ALG5: variants seen among roughly 807,000 people sequenced by gnomAD.
ALG5 encodes the protein ALG5 dolichyl-phosphate beta-glucosyltransferase, also known as dolichyl-phosphate beta-glucosyltransferase.
A neutral mutation model predicts 51.8 loss-of-function variants in ALG5; 26 were observed. The observed-to-expected ratio is 0.50, with a 90% CI of 0.37 to 0.70. The LOEUF (loss-of-function observed/expected upper bound fraction) is 0.70, where lower values mean the gene tolerates loss of function less well. ALG5 is among the 30% of genes least tolerant of loss of function. The probability of loss-of-function intolerance (pLI) is 0.00; values close to 1 mark genes in which losing one functional copy is unlikely to be tolerated. For synonymous variants in ALG5, 141 were observed against 136.1 expected (o/e 1.04, Z -0.25); for missense variants, 311 against 399.3 (o/e 0.78, Z 1.88).
intron 5 of ALG5, 27 bp from the exon 6 acceptor site, chr13:36,985,767 A>G (rs761786411): frequency 1.3e-6 from 2 of 1,505,170 alleles, no homozygotes; most frequent in Non-Finnish European, 9.2e-7. Flanking sequence ...CAAGTCAAAG[A>G]AAATTGGTTA....
At chr13:36,961,132 C>T (rs1193151904) in intron 8 of ALG5, among the ~76,000 whole-genome samples, 3 of 151,832 alleles carry the variant, frequency 2.0e-5, no homozygotes, top group Non-Finnish European at 4.4e-5. Flanking sequence ...ATAAAATATA[C>T]AAGCAGAGTG....
chr13:36,996,542 C>T (rs1309097773), intron 1 of ALG5, among the ~76,000 whole-genome samples: 2 of 152,058 alleles, frequency 1.3e-5, no homozygotes, highest in Admixed American at 6.6e-5. Flanking sequence ...GCCTATGATG[C>T]AAGAATCTGA....
At chr13:36,998,203 A>AAATC (rs549648481) in intron 1 of ALG5, among the ~76,000 whole-genome samples, 91 of 152,230 alleles carry the variant, frequency 6.0e-4, no homozygotes, top group African/African-American at 1.7e-3. Context: ...ACCCCGCCAA[A>AAATC]AATCAATCAA....
chr13:36,953,283 A>T (rs1037650937), intron 8 of ALG5, among the ~76,000 whole-genome samples: 2 of 152,192 alleles, frequency 1.3e-5, no homozygotes, highest in Admixed American at 6.5e-5. Flanking sequence ...TTCCAGTCTA[A>T]ATCTCCAGTG....
intron 6 of ALG5, among the ~76,000 whole-genome samples, chr13:36,980,277 C>G (rs187095720): frequency 1.3e-5 from 2 of 151,958 alleles, no homozygotes; most frequent in Non-Finnish European, 2.9e-5. Context: ...CTCTGTTGAC[C>G]AAGGTGGAGT....
intron 6 of ALG5, among the ~76,000 whole-genome samples, chr13:36,977,336 T>G (rs1382604327): frequency 6.6e-6 from 1 of 152,132 alleles, no homozygotes; most frequent in Non-Finnish European, 1.5e-5. Context: ...AAATGAGTAT[T>G]TAAGTTACTA....
chr13:36,976,425 C>CAAAAAAAAAAA (rs57192095), intron 6 of ALG5, among the ~76,000 whole-genome samples: 1 of 36,614 alleles, frequency 2.7e-5, no homozygotes, highest in Non-Finnish European at 6.6e-5. Flanking sequence ...GACTCTGTCT[C>CAAAAAAAAAAA]AAAAAAAAAA....
At position 36,999,334 on chromosome 13, in the gene ALG5, C is replaced by A; in HGVS notation, c.-34G>T. On this transcript the variant is annotated 5_prime_UTR_variant, in exon 1 of 10. Transcript: ENST00000239891. ...CCGTGGCAGCCCGCCCAATCCCGCA[C>A]CTCCACACAGGCGGAAGCGCGCCCG... is the stretch of plus-strand genomic sequence containing the variant. The A allele has an allele frequency of 1.3e-6, 2 of 1,542,310 alleles. No homozygotes were observed. The highest frequency in any genetic ancestry group is 1.7e-6 in the Non-Finnish European group (2 of 1,146,718).
chr13:36,971,769 ATCT>A (rs1399873114), intron 7 of ALG5, among the ~76,000 whole-genome samples: 2 of 151,124 alleles, frequency 1.3e-5, no homozygotes, highest in East Asian at 1.9e-4. Flanking sequence ...CGAAGTCCAC[ATCT>A]TCTTGTATAT....
intron 4 of ALG5, among the ~76,000 whole-genome samples, chr13:36,990,036 C>T (rs1024580722): frequency 2.6e-5 from 4 of 152,172 alleles, no homozygotes; most frequent in Admixed American, 1.3e-4. Context: ...CCATTTCTCC[C>T]GAATCTTTTC....
chr13:36,985,058 T>C (rs1265877687), intron 6 of ALG5, among the ~76,000 whole-genome samples: 1 of 151,804 alleles, frequency 6.6e-6, no homozygotes, highest in Non-Finnish European at 1.5e-5. Context: ...CTCTTATTCA[T>C]TTTTTCCAGA....
intron 6 of ALG5, among the ~76,000 whole-genome samples, chr13:36,981,027 T>G (rs1365517227): frequency 2.0e-5 from 3 of 152,124 alleles, no homozygotes; most frequent in Non-Finnish European, 2.9e-5. Flanking sequence ...AAATGCCCTA[T>G]TTTATTTGTA....
chr13:36,986,152 AC>A (rs1354293262), intron 5 of ALG5, among the ~76,000 whole-genome samples: 1 of 152,212 alleles, frequency 6.6e-6, no homozygotes, highest in Non-Finnish European at 1.5e-5. Context: ...GACAGATTAA[AC>A]ATTCTAATAT....
At chr13:36,988,942 T>A (rs1281844256) in intron 5 of ALG5, among the ~76,000 whole-genome samples, 2 of 152,254 alleles carry the variant, frequency 1.3e-5, no homozygotes, top group Non-Finnish European at 2.9e-5. Flanking sequence ...ATTTTTAAAC[T>A]TCCAGCTTGA....
At chr13:36,952,141 A>G (rs1244555449) in intron 9 of ALG5, among the ~76,000 whole-genome samples, 2 of 152,200 alleles carry the variant, frequency 1.3e-5, no homozygotes, top group Non-Finnish European at 2.9e-5. Context: ...CAGGTACCTA[A>G]TTAATATCCA....
In ALG5 at chr13:36,996,429, C is replaced by A. The variant is rs571558369; in HGVS notation, c.67-833G>T. Among the ~76,000 whole-genome samples, 11 of 152,258 alleles carry A rather than the reference C, an allele frequency of 7.2e-5. No homozygotes were observed. The South Asian group carries it at 2.3e-3, about 32-fold the overall frequency. On this transcript the variant is annotated intron_variant, in intron 1 of 9. Transcript: ENST00000239891. ...GTCTGATCTTTACTGCCATCATCAA[C>A]TACTATCACTTCAGAGATTATAAGA... is the stretch of plus-strand genomic sequence containing the variant.
At position 36,949,761 on chromosome 13, in the gene ALG5, T is replaced by C; in HGVS notation, c.*181A>G. ...TCTGACTTTTTAAATAAACATCTTT[T>C]AAAAATCATTTATATCCAAAGAGAT... On this transcript the variant is annotated 3_prime_UTR_variant, in exon 10 of 10. Transcript: ENST00000239891. The C allele has an allele frequency of 2.3e-6, 1 of 431,104 alleles. No individual in the cohort carries two copies. The highest frequency in any genetic ancestry group is 4.1e-6 in the Non-Finnish European group (1 of 245,576). 26.7% of individuals were successfully genotyped at this position (431,104 alleles called of 1,614,324 possible).
At chr13:36,960,225 A>G (rs2138785355) in intron 8 of ALG5, among the ~76,000 whole-genome samples, 1 of 152,322 alleles carries the variant, frequency 6.6e-6, no homozygotes, top group South Asian at 2.1e-4. Flanking sequence ...GGTATACAGA[A>G]CTTTAAGAGA....
At chr13:36,977,063 C>T (rs1268384723) in intron 6 of ALG5, among the ~76,000 whole-genome samples, 3 of 152,166 alleles carry the variant, frequency 2.0e-5, no homozygotes, top group East Asian at 1.9e-4. Flanking sequence ...TTACAAATCT[C>T]GTTTTTATCT....
Sources: gnomAD v4.1 joint callset for allele counts (sites outside exome capture counted in the v4.1 genomes callset) on GRCh38, gnomAD v4.1.1 for gene constraint, MANE v1.5 for transcripts, NCBI Gene and HGNC (gene_info 2026-07-23, HGNC 2026-07-21) for gene names.